Variants in FAF1 observed in about 807,000 individuals in gnomAD.
FAF1 encodes the protein Fas associated factor 1, also known as FAS-associated factor 1.
A neutral mutation model predicts 92.5 loss-of-function variants in FAF1; 25 were observed. The observed-to-expected ratio is 0.27, with a 90% CI of 0.20 to 0.38. FAF1 has a LOEUF of 0.38. Ranked by LOEUF, FAF1 falls within the 10% of genes least tolerant of loss-of-function variation. The pLI is 1.00. For missense variants in FAF1, 636 were observed against 793.3 expected (o/e 0.80, Z 2.38); for synonymous variants, 234 against 273.2 (o/e 0.86, Z 1.42).
intron 13 of FAF1, among the ~76,000 whole-genome samples, chr1:50,545,890 C>T (rs1326469381): frequency 6.6e-6 from 1 of 152,230 alleles, no homozygotes; most frequent in African/African-American, 2.4e-5. Flanking sequence ...TTACTGGATG[C>T]AGTAGCTCAC....
intron 13 of FAF1, among the ~76,000 whole-genome samples, chr1:50,554,727 C>A (rs1194426584): frequency 2.6e-5 from 4 of 152,006 alleles, no homozygotes; most frequent in African/African-American, 4.8e-5. Flanking sequence ...TAAAAATGAA[C>A]CCTTGCTTAC....
intron 1 of FAF1, among the ~76,000 whole-genome samples, chr1:50,889,875 T>C (rs1190667285): frequency 6.6e-6 from 1 of 152,228 alleles, no homozygotes; most frequent in Non-Finnish European, 1.5e-5. Context: ...TAGATGTCTA[T>C]TAGGTCCGCT....
At chr1:50,693,693 T>C (rs182643345) in intron 7 of FAF1, among the ~76,000 whole-genome samples, 19 of 152,224 alleles carry the variant, frequency 1.2e-4, no homozygotes, top group Non-Finnish European at 2.5e-4. Flanking sequence ...GAAAACGCTA[T>C]TTCAACCCTG....
intron 17 of FAF1, among the ~76,000 whole-genome samples, chr1:50,488,498 G>A (rs995087128): frequency 6.6e-6 from 1 of 152,180 alleles, no homozygotes; most frequent in African/African-American, 2.4e-5. Context: ...GCTAGAGAGT[G>A]TGTGCATGTG....
intron 7 of FAF1, among the ~76,000 whole-genome samples, chr1:50,702,427 C>T (rs1404046287): frequency 6.6e-6 from 1 of 151,858 alleles, no homozygotes; most frequent in Non-Finnish European, 1.5e-5. Context: ...AATTTAGGAC[C>T]CAAAAAGGTT....
rs538542511 is a variant in FAF1, at chr1:50,695,624, T to C, written c.657+10162A>G. Among the ~76,000 whole-genome samples, 15 of 152,252 alleles carry C rather than the reference T, an allele frequency of 9.9e-5. No homozygotes were observed. In the South Asian group the frequency reaches 2.9e-3, roughly 30 times the overall value. On this transcript the variant is annotated intron_variant, in intron 7 of 18. Transcript: ENST00000396153. Reference sequence around the variant, plus strand: ...TCTTTTATAATATATATGATTTCTCTCTATAAGACAAAGTTTTTTGTTTTT... The same window carrying C: ...TCTTTTATAATATATATGATTTCTCCCTATAAGACAAAGTTTTTTGTTTTT...
At chr1:50,606,365 C>T (rs1371547509) in intron 8 of FAF1, among the ~76,000 whole-genome samples, 4 of 151,972 alleles carry the variant, frequency 2.6e-5, no homozygotes, top group African/African-American at 4.8e-5. Flanking sequence ...AAAATTTCTT[C>T]CTAAGTGAAC....
intron 1 of FAF1, among the ~76,000 whole-genome samples, chr1:50,914,742 T>A (rs902746972): frequency 1.3e-5 from 2 of 152,236 alleles, no homozygotes; most frequent in Non-Finnish European, 2.9e-5. Context: ...AGGGACAATG[T>A]GCTATACTTA....
intron 6 of FAF1, among the ~76,000 whole-genome samples, chr1:50,719,996 C>T (rs899347551): frequency 2.0e-5 from 3 of 150,734 alleles, no homozygotes; most frequent in African/African-American, 7.3e-5. Flanking sequence ...TAAAATTAAA[C>T]ACACTTTTTT....
intron 1 of FAF1, among the ~76,000 whole-genome samples, chr1:50,947,110 A>C (rs936471623): frequency 4.6e-5 from 7 of 152,284 alleles, no homozygotes; most frequent in Non-Finnish European, 8.8e-5. Context: ...AAAAGCTAGA[A>C]GTTACTGCTA....
At chr1:50,953,793 A>G (rs1645240650) in intron 1 of FAF1, among the ~76,000 whole-genome samples, 1 of 152,176 alleles carries the variant, frequency 6.6e-6, no homozygotes. Flanking sequence ...GGCAGCAAAA[A>G]GTATTACTAG....
chr1:50,718,049 T>C (rs1004487978), intron 6 of FAF1, among the ~76,000 whole-genome samples: 1 of 151,676 alleles, frequency 6.6e-6, no homozygotes, highest in South Asian at 2.1e-4. Context: ...AGACGGAGTC[T>C]CGCTTTGTCA....
At chr1:50,660,741 C>T (rs1358179141) in intron 7 of FAF1, among the ~76,000 whole-genome samples, 3 of 152,064 alleles carry the variant, frequency 2.0e-5, no homozygotes, top group African/African-American at 7.2e-5. Flanking sequence ...ATCTGCCCAC[C>T]TTAGCCTCCC....
In FAF1 at chr1:50,656,264, G is replaced by A. The variant is rs570738542; in HGVS notation, c.658-736C>T. 1.3e-4 allele frequency among the ~76,000 whole-genome samples: 19 copies of A among 151,644 alleles called. No homozygotes were observed. In the South Asian group the frequency reaches 2.7e-3, roughly 22 times the overall value. On this transcript the variant is annotated intron_variant, in intron 7 of 18. Transcript: ENST00000396153. ...GGAGAATCGTTTGCATCCGGGAAGC[G>A]GAGGTGGCGGTGAGCTGAGATCATG...
At chr1:50,456,012 T>C (rs928010166) in intron 18 of FAF1, among the ~76,000 whole-genome samples, 23 of 151,876 alleles carry the variant, frequency 1.5e-4, no homozygotes, top group South Asian at 2.1e-4. Context: ...GAGGCGGAGA[T>C]GGCAGTGAGC....
At chr1:50,808,580 C>T (rs866791937) in intron 2 of FAF1, among the ~76,000 whole-genome samples, 20 of 151,612 alleles carry the variant, frequency 1.3e-4, no homozygotes, top group African/African-American at 4.6e-4. Context: ...AAAAATCTAC[C>T]AAGCAAACAA....
chr1:50,888,325 G>T (rs1466443309), intron 1 of FAF1, among the ~76,000 whole-genome samples: 1 of 152,172 alleles, frequency 6.6e-6, no homozygotes, highest in African/African-American at 2.4e-5. Context: ...TCTGCAAACA[G>T]GGACAATTTT....
At chr1:50,481,773 C>T (rs1557962824) in intron 17 of FAF1, among the ~76,000 whole-genome samples, 1 of 151,960 alleles carries the variant, frequency 6.6e-6, no homozygotes. Flanking sequence ...AAAGAGGGTT[C>T]CACATGGATA....
intron 8 of FAF1, among the ~76,000 whole-genome samples, chr1:50,639,031 A>T (rs923561466): frequency 6.6e-6 from 1 of 152,176 alleles, no homozygotes; most frequent in Admixed American, 6.5e-5. Flanking sequence ...TCTGTAAGTT[A>T]TAGCTTTGGT....
Sources: allele counts gnomAD v4.1 joint callset (sites outside exome capture counted in the v4.1 genomes callset), GRCh38; gene constraint gnomAD v4.1.1; transcripts MANE v1.5; gene names NCBI Gene and HGNC (gene_info 2026-07-23, HGNC 2026-07-21).